TTC8: variants seen among roughly 807,000 people sequenced by gnomAD.
TTC8 encodes tetratricopeptide repeat domain 8.
Under a neutral mutation model 72.5 loss-of-function variants are expected in TTC8, and 47 were observed. The observed-to-expected ratio is 0.65, with a 90% confidence interval of 0.51 to 0.83. TTC8 has a LOEUF of 0.83. Ranked by LOEUF, TTC8 falls within the 40% of genes least tolerant of loss-of-function variation. TTC8 has a pLI of 0.00. For missense variants in TTC8, 611 were observed against 623.2 expected, an observed-to-expected ratio of 0.98 and a Z score of 0.21; for synonymous variants, 199 against 221.4, an observed-to-expected ratio of 0.90 and a Z score of 0.90.
In TTC8 at chr14:88,862,582, A is replaced by G. The variant is rs1366211205; in HGVS notation, c.909+1250A>G. Among the ~76,000 whole-genome samples, 9 of 71,602 alleles carry G rather than the reference A, an allele frequency of 1.3e-4. 2 individuals are homozygous for G. Among genetic ancestry groups the G allele is most frequent in the African/African-American group, 5.4e-4 (9 of 16,784 alleles). 47.0% of individuals were successfully genotyped at this position (71,602 alleles called of 152,430 possible). ...TATATATATATATATATATATATAT[A>G]TATATATATATATATTTAGAGATGG... On this transcript the variant is annotated intron_variant, in intron 10 of 14. Transcript: ENST00000380656.
At position 88,841,090 on chromosome 14, in the gene TTC8, A is replaced by G; in HGVS notation, c.383A>G (p.Gln128Arg). ...ACAGGTTTCCTCAGGCCCAGCACGC[A>G]GAGTGGAAGGCCAGGCACTATGGAA... ...PITGFLRPST[Q>R]SGRPGTMEQA... Residue 128 changes from glutamine (Q) to arginine (R), a missense_variant, in exon 5 of 15, where the codon CAG becomes CGG. Gln to Arg is a conservative substitution (Grantham distance 43, BLOSUM62 1). Transcript: ENST00000380656. 1 of 1,614,142 alleles carries G rather than the reference A, an allele frequency of 6.2e-7. No homozygotes were observed. Among genetic ancestry groups the G allele is most frequent in the Non-Finnish European group, 8.5e-7 (1 of 1,180,014 alleles).
chr14:88,872,335 A>G lies in TTC8; in HGVS notation c.1230A>G (p.Ile410Met). The G allele has an allele frequency of 6.2e-7, 1 of 1,613,842 alleles. No homozygotes were observed. The highest frequency in any genetic ancestry group is 8.5e-7 in the Non-Finnish European group (1 of 1,179,828). Residue 410 changes from isoleucine (I) to methionine (M), a missense_variant, in exon 13 of 15, where the codon ATA becomes ATG. Ile to Met is a conservative substitution (Grantham distance 10). Coordinates refer to ENST00000380656, the MANE Select transcript of TTC8 (RefSeq NM_144596.4). ...WYNLGHVAVGIGDTNLAHQCF... is the reference protein window; with the variant it reads ...WYNLGHVAVGMGDTNLAHQCF... ...ACATAGGCTTTCTTTTGTAGGGAAT[A>G]GGAGATACAAATTTGGCCCATCAGT...
At chr14:88,872,512 G>A in intron 13 of TTC8, 60 bp downstream of exon 13, 1 of 1,606,958 alleles carries the variant, frequency 6.2e-7, no homozygotes, top group Non-Finnish European at 8.5e-7. Flanking sequence ...AAGCTGTCAT[G>A]TGTGGTAGCA....
intron 1 of TTC8, among the ~76,000 whole-genome samples, chr14:88,831,712 T>C (rs2094726912): frequency 6.6e-6 from 1 of 152,242 alleles, no homozygotes; most frequent in South Asian, 2.1e-4. Context: ...TGCAGGATTC[T>C]ATCATCTATA....
chr14:88,875,356 A>G (rs2094953111), intron 14 of TTC8, among the ~76,000 whole-genome samples: 1 of 152,180 alleles, frequency 6.6e-6, no homozygotes, highest in African/African-American at 2.4e-5. Context: ...GTTTTGAAAT[A>G]TGGCATTTAG....
chr14:88,854,928 C>A (rs930477302), intron 8 of TTC8, among the ~76,000 whole-genome samples: 1 of 152,194 alleles, frequency 6.6e-6, no homozygotes, highest in East Asian at 1.9e-4. Context: ...CTCACACCAT[C>A]CTCCCGCCTT....
chr14:88,833,615 C>T, intron 1 of TTC8, 78 bp from the exon 2 acceptor site: 1 of 1,293,044 alleles, frequency 7.7e-7, no homozygotes, highest in Non-Finnish European at 1.1e-6. Context: ...CCTACAAATA[C>T]TTGGTTGGTC....
intron 13 of TTC8, among the ~76,000 whole-genome samples, chr14:88,873,606 A>G (rs1010621221): frequency 6.6e-6 from 1 of 152,186 alleles, no homozygotes; most frequent in Non-Finnish European, 1.5e-5. Flanking sequence ...GATACATAAA[A>G]TAGAGTGTAA....
intron 2 of TTC8, among the ~76,000 whole-genome samples, chr14:88,836,616 CTTTAATA>C (rs923405790): frequency 1.7e-4 from 26 of 151,872 alleles, no homozygotes; most frequent in African/African-American, 5.8e-4. Flanking sequence ...ATTTCTAACT[CTTTAATA>C]TTTAAGACGT....
chr14:88,876,348 C>T (rs938241331), intron 14 of TTC8, among the ~76,000 whole-genome samples: 38 of 152,266 alleles, frequency 2.5e-4, no homozygotes, highest in Admixed American at 1.4e-3. Context: ...TGTTTTAATA[C>T]GTATGTATTG....
At chr14:88,824,868 C>T in intron 1 of TTC8, 47 bp downstream of exon 1, 1 of 1,532,190 alleles carries the variant, frequency 6.5e-7, no homozygotes. Context: ...GCTGAGGCTG[C>T]GGGGTCTGGG....
chr14:88,830,959 G>A (rs986778538), intron 1 of TTC8: 1 of 455,662 alleles, frequency 2.2e-6, no homozygotes, highest in Non-Finnish European at 4.4e-6. Context: ...CATCCTTGCT[G>A]TCATCCCACA....
chr14:88,841,533 T>G lies in TTC8; in HGVS notation c.579+19T>G. ...GGCAAAGGTATGTACTTAAAATGAT[T>G]TTGAGTTATGAAGTAATATTACACG... On this transcript the variant is annotated intron_variant, in intron 6 of 14. Coordinates refer to ENST00000380656, the MANE Select transcript of TTC8 (RefSeq NM_144596.4). 1.3e-6 allele frequency: 2 copies of G among 1,581,962 alleles called. No individual in the cohort carries two copies. The highest frequency in any genetic ancestry group is 4.5e-5 in the East Asian group (2 of 44,600).
chr14:88,828,275 G>A (rs2094710892), intron 1 of TTC8, among the ~76,000 whole-genome samples: 2 of 152,098 alleles, frequency 1.3e-5, no homozygotes, highest in African/African-American at 4.8e-5. Flanking sequence ...CTCTTACAGT[G>A]CTTTCTTTGT....
rs376641525 is a variant in TTC8 at position 88,872,341 on chromosome 14, T to C, written c.1236T>C (p.Asp412=). 1.2e-6 allele frequency: 2 copies of C among 1,613,712 alleles called. No individual in the cohort carries two copies. Among genetic ancestry groups the C allele is most frequent in the Non-Finnish European group, 8.5e-7 (1 of 1,179,812 alleles). ...GCTTTCTTTTGTAGGGAATAGGAGA[T>C]ACAAATTTGGCCCATCAGTGCTTCA... ...NLGHVAVGIG[D]TNLAHQCFRL... The change falls in exon 13 of 15, where the codon GAT becomes GAC. Residue 412 remains aspartate, a synonymous_variant. Coordinates refer to ENST00000380656, the MANE Select transcript of TTC8 (RefSeq NM_144596.4).
At chr14:88,878,288 T>A (rs2094964666), downstream of TTC8, 1 of 152,156 alleles carries the variant, frequency 6.6e-6, no homozygotes, top group Non-Finnish European at 1.5e-5. Context: ...TCTTGAACTT[T>A]TCTCTGCCTT....
chr14:88,874,479 G>A (rs979122836), intron 13 of TTC8, among the ~76,000 whole-genome samples: 22 of 152,218 alleles, frequency 1.4e-4, no homozygotes, highest in African/African-American at 4.6e-4. Context: ...ATAACAGAAA[G>A]CTTGTCATAT....
intron 1 of TTC8, 38 bp from the exon 2 acceptor site, chr14:88,833,655 T>C: frequency 6.2e-7 from 1 of 1,603,840 alleles, no homozygotes; most frequent in Non-Finnish European, 8.5e-7. Context: ...GAAACTGTAT[T>C]TCTTAAAACT....
intron 1 of TTC8, among the ~76,000 whole-genome samples, chr14:88,830,370 G>C (rs1313274560): frequency 6.6e-6 from 1 of 152,156 alleles, no homozygotes; most frequent in Non-Finnish European, 1.5e-5. Flanking sequence ...AGATTCAGAG[G>C]AAGTTTTAAT....
Sources: gnomAD v4.1 joint callset for allele counts (sites outside exome capture counted in the v4.1 genomes callset) on GRCh38, gnomAD v4.1.1 for gene constraint, MANE v1.5 for transcripts, NCBI Gene and HGNC (gene_info 2026-07-23, HGNC 2026-07-21) for gene names.